NFIB: variants seen among roughly 807,000 people sequenced by gnomAD.
NFIB encodes the protein nuclear factor I B.
Under a neutral mutation model 61.5 loss-of-function variants are expected in NFIB, and 11 were observed. The ratio of observed to expected loss-of-function variants is 0.18; its 90% CI spans 0.11 to 0.30. The LOEUF (loss-of-function observed/expected upper bound fraction) is 0.30, where lower values mean the gene tolerates loss of function less well. NFIB is among the 10% of genes least tolerant of loss of function. NFIB has a pLI of 1.00. For synonymous variants in NFIB, 260 were observed against 216.5 expected, an observed-to-expected ratio of 1.20 and a Z score of -1.76; for missense variants, 471 against 608.9, an observed-to-expected ratio of 0.77 and a Z score of 2.38.
At chr9:14,458,553 A>G in the NFIB span, among the ~76,000 whole-genome samples, 3 of 152,226 alleles carry the variant, frequency 2.0e-5, no homozygotes, top group Admixed American at 1.3e-4. Flanking sequence ...AAGGCATTCA[A>G]TTAGGAAAAG....
chr9:14,118,750 T>A (rs1296852659), intron 8 of NFIB, among the ~76,000 whole-genome samples: 1 of 150,800 alleles, frequency 6.6e-6, no homozygotes, highest in Non-Finnish European at 1.5e-5. Context: ...AGTTTTTTTG[T>A]TGCTAGTTTT....
chr9:14,342,492 G>T (rs1456760216), intron 1 of NFIB, among the ~76,000 whole-genome samples: 1 of 151,972 alleles, frequency 6.6e-6, no homozygotes, highest in East Asian at 1.9e-4. Flanking sequence ...AGGAAGAAAG[G>T]AAAGAAGAGA....
At chr9:14,330,578 C>T (rs943746148) in intron 1 of NFIB, among the ~76,000 whole-genome samples, 5 of 152,108 alleles carry the variant, frequency 3.3e-5, no homozygotes, top group Admixed American at 6.5e-5. Flanking sequence ...AGAAATTTGC[C>T]TAGAAAATGG....
the NFIB span, among the ~76,000 whole-genome samples, chr9:14,422,753 C>G: frequency 8.5e-5 from 13 of 152,284 alleles, no homozygotes; most frequent in East Asian, 2.5e-3. Context: ...ATCCAGTGAC[C>G]ACTTCTGCGA....
intron 1 of NFIB, among the ~76,000 whole-genome samples, chr9:14,338,388 T>G (rs1167902865): frequency 1.4e-5 from 1 of 70,942 alleles, no homozygotes; most frequent in Non-Finnish European, 3.3e-5. Flanking sequence ...AGCGAGACTC[T>G]GTCTCAAAAA....
chr9:14,460,844 A>G, the NFIB span, among the ~76,000 whole-genome samples: 2 of 151,754 alleles, frequency 1.3e-5, no homozygotes, highest in East Asian at 2.0e-4. Context: ...AAGGCCTTCC[A>G]CTGCCCAGGT....
At chr9:14,245,163 A>T (rs1276424177) in intron 2 of NFIB, among the ~76,000 whole-genome samples, 1 of 152,204 alleles carries the variant, frequency 6.6e-6, no homozygotes, top group Non-Finnish European at 1.5e-5. Flanking sequence ...AGAAGAAAAA[A>T]ACTGAACAAC....
chr9:14,503,494 G>A, the NFIB span, among the ~76,000 whole-genome samples: 1 of 151,976 alleles, frequency 6.6e-6, no homozygotes. Flanking sequence ...GCATTCTGAA[G>A]TCTATGTGAC....
chr9:14,275,338 C>G (rs965449443), intron 2 of NFIB, among the ~76,000 whole-genome samples: 2 of 152,288 alleles, frequency 1.3e-5, no homozygotes, highest in African/African-American at 4.8e-5. Flanking sequence ...TTCTCTTACT[C>G]TAATCGTTGA....
chr9:14,469,580 G>T, the NFIB span, among the ~76,000 whole-genome samples: 1 of 152,142 alleles, frequency 6.6e-6, no homozygotes, highest in African/African-American at 2.4e-5. Flanking sequence ...AAATCCTTCA[G>T]CAGGTGCCTG....
intron 1 of NFIB, among the ~76,000 whole-genome samples, chr9:14,359,915 G>A (rs1588366229): frequency 1.3e-5 from 2 of 152,276 alleles, no homozygotes; most frequent in African/African-American, 4.8e-5. Flanking sequence ...TTAAGAAACT[G>A]GATCTATTCT....
At chr9:14,495,043 T>C in the NFIB span, among the ~76,000 whole-genome samples, 1 of 152,248 alleles carries the variant, frequency 6.6e-6, no homozygotes, top group Non-Finnish European at 1.5e-5. Flanking sequence ...GAAAAACATG[T>C]TTAAAAACTT....
chr9:14,105,047 A>G (rs910211915), intron 10 of NFIB, among the ~76,000 whole-genome samples: 1 of 152,064 alleles, frequency 6.6e-6, no homozygotes, highest in African/African-American at 2.4e-5. Context: ...ATGTGTTGTA[A>G]ATGAGTTAGT....
intron 2 of NFIB, among the ~76,000 whole-genome samples, chr9:14,186,063 G>T (rs974742484): frequency 6.6e-6 from 1 of 152,166 alleles, no homozygotes; most frequent in African/African-American, 2.4e-5. Flanking sequence ...ACCATGGCTT[G>T]AGGATCAACA....
intron 3 of NFIB, among the ~76,000 whole-genome samples, chr9:14,159,574 T>C (rs2043903042): frequency 6.6e-6 from 1 of 152,172 alleles, no homozygotes; most frequent in Admixed American, 6.5e-5. Flanking sequence ...CCTTCATGCA[T>C]CTCTGCAGGC....
intron 1 of NFIB, among the ~76,000 whole-genome samples, chr9:14,319,843 C>T (rs967260808): frequency 1.3e-5 from 2 of 152,132 alleles, no homozygotes; most frequent in African/African-American, 4.8e-5. Context: ...CAATGCATAA[C>T]AACAGAATTG....
chr9:14,320,908 C>T (rs1022607009), intron 1 of NFIB, among the ~76,000 whole-genome samples: 1 of 151,986 alleles, frequency 6.6e-6, no homozygotes, highest in Non-Finnish European at 1.5e-5. Context: ...TGTATTTTGG[C>T]GCCTTTTCCC....
At chr9:14,373,283 C>T (rs1206726593) in intron 1 of NFIB, among the ~76,000 whole-genome samples, 14 of 152,186 alleles carry the variant, frequency 9.2e-5, no homozygotes. Context: ...TGGTGTGAAT[C>T]TCTTATTAGC....
the NFIB span, among the ~76,000 whole-genome samples, chr9:14,519,269 G>T: frequency 6.6e-6 from 1 of 152,196 alleles, no homozygotes; most frequent in Admixed American, 6.5e-5. Context: ...GCCAGGAAGA[G>T]AAGTTGAGAG....
Sources: allele counts gnomAD v4.1 joint callset (sites outside exome capture counted in the v4.1 genomes callset), GRCh38; gene constraint gnomAD v4.1.1; transcripts MANE v1.5; gene names NCBI Gene and HGNC (gene_info 2026-07-23, HGNC 2026-07-21).